Variants in CRB3 observed in about 807,000 individuals in gnomAD.
CRB3 encodes protein crumbs homolog 3.
Under a neutral mutation model 10.4 loss-of-function variants are expected in CRB3, and 4 were observed. That is an observed-to-expected ratio of 0.39 (90% CI 0.19 to 0.88). The LOEUF is 0.88. Ranked by LOEUF, CRB3 falls within the 40% of genes least tolerant of loss-of-function variation. The pLI is 0.39. For synonymous variants in CRB3, 74 were observed against 73.4 expected, an observed-to-expected ratio of 1.01 and a Z score of -0.04; for missense variants, 154 against 160.2, an observed-to-expected ratio of 0.96 and a Z score of 0.21.
upstream of CRB3, chr19:6,464,061 C>T (rs2092783594): frequency 6.6e-6 from 1 of 152,268 alleles, no homozygotes; most frequent in African/African-American, 2.4e-5. This position sits in a 1 kb window ranked among gnomAD's most constrained non-coding sequence, Gnocchi z 5.3. Flanking sequence ...AGGTCCCCCT[C>T]ACACCTGCGC....
In CRB3 at chr19:6,466,831, C is replaced by T. The variant is rs2092797263; in HGVS notation, c.*159C>T. On this transcript the variant is annotated 3_prime_UTR_variant, in exon 4 of 4. Coordinates refer to ENST00000600229, the MANE Select transcript of CRB3 (RefSeq NM_139161.5). This position sits in a 1 kb window ranked among gnomAD's most constrained non-coding sequence, Gnocchi z 4.9. ...TGGTGGGCTCTGTGCAGCATGTTGCCTCTGCTTGGCTGTGCCTGCAGCTCA... is the reference window on the plus strand; with the variant it reads ...TGGTGGGCTCTGTGCAGCATGTTGCTTCTGCTTGGCTGTGCCTGCAGCTCA... 1.3e-6 allele frequency: 2 copies of T among 1,556,222 alleles called. No individual in the cohort carries two copies. The highest frequency in any genetic ancestry group is 1.9e-5 in the Admixed American group (1 of 53,902).
At chr19:6,465,249 A>G in intron 2 of CRB3, 1 of 395,046 alleles carries the variant, frequency 2.5e-6, no homozygotes, top group South Asian at 4.4e-5. Context: ...GGGAAAAGCT[A>G]GGCCCGCCCA....
In CRB3 at chr19:6,465,534, A is replaced by T; in HGVS notation, c.83-11A>T. The T allele has an allele frequency of 6.2e-7, 1 of 1,612,302 alleles. No homozygotes were observed. Among genetic ancestry groups the T allele is most frequent in the South Asian group, 1.1e-5 (1 of 91,014 alleles). On this transcript the variant is annotated splice_polypyrimidine_tract_variant and intron_variant, in intron 2 of 3. Transcript: ENST00000600229. ...GGAGACTGAGTTATTCTCTGCCTTCACCCTCCACAGTACAGACCACTTCTG... is the reference window on the plus strand; with the variant it reads ...GGAGACTGAGTTATTCTCTGCCTTCTCCCTCCACAGTACAGACCACTTCTG...
At position 6,467,001 on chromosome 19, in the gene CRB3, G is replaced by A; in HGVS notation, c.*329G>A. The A allele has an allele frequency of 6.2e-7, 1 of 1,613,956 alleles. No individual in the cohort carries two copies. Among genetic ancestry groups the A allele is most frequent in the Non-Finnish European group, 8.5e-7 (1 of 1,179,932 alleles). On this transcript the variant is annotated 3_prime_UTR_variant, in exon 4 of 4. Transcript: ENST00000600229. ...CCCCTCAGGACTCCAAGGAGACGGT[G>A]CAGGGCTGCCTGCCCATCTAGGTCC...
chr19:6,464,000 T>A (rs754385896), upstream of CRB3: 1 of 152,202 alleles, frequency 6.6e-6, no homozygotes, highest in Non-Finnish European at 1.5e-5. Context: ...ACATACCCCG[T>A]GCGTCTCCAC....
At position 6,466,367 on chromosome 19, in the gene CRB3, GTGTGT is replaced by G; in HGVS notation, c.157-94_157-90del. Reference sequence around the variant, plus strand: ...GTGGCAGATGTGTGTATGTGTGTGTGTGTGTTGTGGGGTAGGGGGTGATGAGGGGG... The same window carrying G: ...GTGGCAGATGTGTGTATGTGTGTGTGTGTGGGGTAGGGGGTGATGAGGGGG... On this transcript the variant is annotated intron_variant, in intron 3 of 3. Transcript: ENST00000600229. This position sits in a 1 kb window ranked among gnomAD's most constrained non-coding sequence, Gnocchi z 4.9. 3 of 937,246 alleles carry G rather than the reference GTGTGT, an allele frequency of 3.2e-6. No individual in the cohort carries two copies. The highest frequency in any genetic ancestry group is 5.1e-6 in the Non-Finnish European group (3 of 586,876). The allele number at this position is 937,246 out of a possible 1,614,324, so 58.1% of individuals were successfully genotyped here.
rs764064390 is a variant in CRB3, at chr19:6,466,636, C to T, written c.327C>T (p.Pro109=). 4.4e-6 allele frequency: 7 copies of T among 1,603,376 alleles called. No homozygotes were observed. The South Asian group carries it at 4.4e-5, about 10-fold the overall frequency. Residue 109 remains proline (P), a synonymous_variant, in exon 4 of 4, where the codon CCC becomes CCT. Coordinates refer to ENST00000600229, the MANE Select transcript of CRB3 (RefSeq NM_139161.5). This position sits in a 1 kb window ranked among gnomAD's most constrained non-coding sequence, Gnocchi z 4.9. ...TGGGTGCCCGCGTGCCACCGACCCC[C>T]AACCTCAAGTTGCCGCCGGAAGAGC... ...EQVGARVPPT[P]NLKLPPEERL...
At chr19:6,465,041 G>C (rs2081180358) in intron 2 of CRB3, 1 of 358,340 alleles carries the variant, frequency 2.8e-6, no homozygotes, top group Non-Finnish European at 5.0e-6. Flanking sequence ...TGGAGTGGGG[G>C]CTCCTAAGTA....
intron 2 of CRB3, chr19:6,465,262 T>A (rs924180786): frequency 1.4e-5 from 6 of 440,434 alleles, no homozygotes; most frequent in South Asian, 1.0e-4. Flanking sequence ...CCCGCCCAGA[T>A]CCTTAAGGGC....
rs781327443 is a variant in CRB3 at position 6,467,074 on chromosome 19, G to C, written c.*402G>C. The C allele has an allele frequency of 2.6e-5, 40 of 1,540,104 alleles. No individual in the cohort carries two copies. The highest frequency in any genetic ancestry group is 3.4e-4 in the Middle Eastern group (2 of 5,898). On this transcript the variant is annotated 3_prime_UTR_variant, in exon 4 of 4. Coordinates refer to ENST00000600229, the MANE Select transcript of CRB3 (RefSeq NM_139161.5). ...TCATTGCTGTGTGACCTTGGGGAAAGGCAGTGCCCTCTCTGGGCAGTCAGA... is the reference window on the plus strand; with the variant it reads ...TCATTGCTGTGTGACCTTGGGGAAACGCAGTGCCCTCTCTGGGCAGTCAGA...
Position 6,464,474 on chromosome 19 carries a change from T to C in CRB3, c.-95+124T>C. On this transcript the variant is annotated intron_variant, in intron 1 of 3. Transcript: ENST00000600229. This position sits in a 1 kb window ranked among gnomAD's most constrained non-coding sequence, Gnocchi z 5.3. The stretch of plus-strand genomic sequence containing the variant: ...GAACGCGCTCCTGGGAGTTAATCTT[T>C]AATCGCTGACCTCTGGCGGCTGGGG... 2.6e-6 allele frequency: 1 copy of C among 385,992 alleles called. No individual in the cohort carries two copies. The highest frequency in any genetic ancestry group is 4.6e-6 in the Non-Finnish European group (1 of 218,486). The allele number at this position is 385,992 out of a possible 1,614,324, so 23.9% of individuals were successfully genotyped here. A position where few individuals can be genotyped will look rare whatever the true frequency, so the allele number is the denominator to read the frequency against.
rs151061741 is a variant in CRB3, at chr19:6,466,122, G to T, written c.157-344G>T. On this transcript the variant is annotated intron_variant, in intron 3 of 3. Transcript: ENST00000600229. This position sits in a 1 kb window ranked among gnomAD's most constrained non-coding sequence, Gnocchi z 4.9. Reference sequence around the variant, plus strand: ...GGCTGAGGCAGGGGGAATTGCTTGAGCCCAGAAGGCGGAGGTTGCAGTGAG... The same window carrying T: ...GGCTGAGGCAGGGGGAATTGCTTGATCCCAGAAGGCGGAGGTTGCAGTGAG... Among the ~76,000 whole-genome samples the T allele has an allele frequency of 1.0e-3, 156 of 152,106 alleles. 1 individual carries two copies. In the East Asian group the frequency reaches 0.028, roughly 27 times the overall value.
Position 6,466,401 on chromosome 19 carries a change from C to A in CRB3, c.157-65C>A. 1 of 1,328,218 alleles carries A rather than the reference C, an allele frequency of 7.5e-7. No homozygotes were observed. Among genetic ancestry groups the A allele is most frequent in the Non-Finnish European group, 1.1e-6 (1 of 927,672 alleles). 82.3% of individuals were successfully genotyped at this position (1,328,218 alleles called of 1,614,324 possible). On this transcript the variant is annotated intron_variant, in intron 3 of 3. Transcript: ENST00000600229. The surrounding 1 kb of genome is among the most constrained non-coding windows in gnomAD (Gnocchi z 4.9). ...GGGGTAGGGGGTGATGAGGGGGATG[C>A]CATTCAGGTGGAGGTGGACAGGCTA... is the stretch of plus-strand genomic sequence containing the variant.
At chr19:6,463,896 G>T (rs1439861583), upstream of CRB3, 1 of 152,250 alleles carries the variant, frequency 6.6e-6, no homozygotes, top group African/African-American at 2.4e-5. Flanking sequence ...GGGATTACAG[G>T]CGTGAGCCAT....
In CRB3 at chr19:6,466,099, C is replaced by T. The variant is rs1382795417; in HGVS notation, c.157-367C>T. Among the ~76,000 whole-genome samples, 2 of 152,044 alleles carry T rather than the reference C, an allele frequency of 1.3e-5. No homozygotes were observed. The highest frequency in any genetic ancestry group is 4.8e-5 in the African/African-American group (2 of 41,382). On this transcript the variant is annotated intron_variant, in intron 3 of 3. Coordinates refer to ENST00000600229, the MANE Select transcript of CRB3 (RefSeq NM_139161.5). The surrounding 1 kb of genome is among the most constrained non-coding windows in gnomAD (Gnocchi z 4.9). ...CCTGTAATCCCAGCTACTTGGGAGG[C>T]TGAGGCAGGGGGAATTGCTTGAGCC... is the stretch of plus-strand genomic sequence containing the variant.
upstream of CRB3, chr19:6,463,897 C>A (rs2092783166): frequency 6.6e-6 from 1 of 152,286 alleles, no homozygotes; most frequent in Non-Finnish European, 1.5e-5. Context: ...GGATTACAGG[C>A]GTGAGCCATT....
At position 6,466,230 on chromosome 19, in the gene CRB3, C is replaced by T. The variant is rs2092793534; in HGVS notation, c.157-236C>T. 1.3e-5 allele frequency among the ~76,000 whole-genome samples: 2 copies of T among 151,834 alleles called. No individual in the cohort carries two copies. Among genetic ancestry groups the T allele is most frequent in the Admixed American group, 1.3e-4 (2 of 15,248 alleles). ...AAAAAAGCCGGAGTCCCAGACATGG[C>T]AGGTGCTTGCGAGGGGTGTCCCGGA... On this transcript the variant is annotated intron_variant, in intron 3 of 3. Transcript: ENST00000600229. The surrounding 1 kb of genome is among the most constrained non-coding windows in gnomAD (Gnocchi z 4.9).
chr19:6,466,503 C>T lies in CRB3; in HGVS notation c.194C>T (p.Ser65Phe). The T allele has an allele frequency of 3.1e-6, 5 of 1,613,858 alleles. No individual in the cohort carries two copies. The highest frequency in any genetic ancestry group is 4.2e-6 in the Non-Finnish European group (5 of 1,180,024). The change falls in exon 4 of 4, where the codon TCC (serine) becomes TTC (phenylalanine). Residue 65 changes from serine to phenylalanine, a missense_variant. Ser to Phe is a radical substitution (Grantham distance 155). Coordinates refer to ENST00000600229, the MANE Select transcript of CRB3 (RefSeq NM_139161.5). This position sits in a 1 kb window ranked among gnomAD's most constrained non-coding sequence, Gnocchi z 4.9. ...EAITAIIVVF[S>F]LLAALLLAVG... ...ATCACTGCTATCATCGTGGTCTTCT[C>T]CCTCTTGGCTGCCTTGCTCCTGGCT...
In CRB3 at chr19:6,467,179, C is replaced by T. The variant is rs1222654216; in HGVS notation, c.*507C>T. 5.2e-6 allele frequency: 3 copies of T among 575,782 alleles called. No homozygotes were observed. Among genetic ancestry groups the T allele is most frequent in the African/African-American group, 3.8e-5 (2 of 52,954 alleles). The allele number at this position is 575,782 out of a possible 1,614,324, so 35.7% of individuals were successfully genotyped here. A position where few individuals can be genotyped will look rare whatever the true frequency, so the allele number is the denominator to read the frequency against. ...GGTCAAGAGAGGATGGGGCTATTCACTTTTATATATTTATATAAAATTAGT... is the reference window on the plus strand; with the variant it reads ...GGTCAAGAGAGGATGGGGCTATTCATTTTTATATATTTATATAAAATTAGT... On this transcript the variant is annotated 3_prime_UTR_variant, in exon 4 of 4. Coordinates refer to ENST00000600229, the MANE Select transcript of CRB3 (RefSeq NM_139161.5).
Sources: allele counts gnomAD v4.1 joint callset (sites outside exome capture counted in the v4.1 genomes callset), GRCh38; gene constraint gnomAD v4.1.1; non-coding constraint Gnocchi (gnomAD v3.1); transcripts MANE v1.5; gene names NCBI Gene and HGNC (gene_info 2026-07-23, HGNC 2026-07-21).